The following POU2F3 variants were observed in gnomAD, a reference collection of about 807,000 sequenced individuals.
POU2F3 encodes the protein POU domain, class 2, transcription factor 3.
POU2F3 carries 23 observed loss-of-function variants against 59.2 expected under a neutral mutation model. The ratio of observed to expected loss-of-function variants is 0.39; its 90% CI spans 0.28 to 0.55. POU2F3 has a LOEUF of 0.55. Ranked by LOEUF, POU2F3 falls within the 20% of genes least tolerant of loss-of-function variation. The pLI is 0.66. For missense variants in POU2F3, 473 were observed against 544.5 expected, an observed-to-expected ratio of 0.87 and a Z score of 1.31; for synonymous variants, 190 against 214.6, an observed-to-expected ratio of 0.89 and a Z score of 1.00.
chr11:120,315,275 G>T, intron 10 of POU2F3, 86 bp from the exon 11 acceptor site: 1 of 1,254,030 alleles, frequency 8.0e-7, no homozygotes, highest in South Asian at 1.2e-5. Flanking sequence ...TCTCTGTAGA[G>T]TCTGGGGCCT....
At chr11:120,243,058 C>T (rs536563129) in intron 1 of POU2F3, among the ~76,000 whole-genome samples, 4 of 152,212 alleles carry the variant, frequency 2.6e-5, no homozygotes, top group African/African-American at 4.8e-5. Context: ...GTCTCACAGA[C>T]GGGTGCCAAT....
intron 3 of POU2F3, 37 bp from the exon 4 acceptor site, chr11:120,298,228 T>C (rs1941245751): frequency 1.3e-6 from 2 of 1,591,348 alleles, no homozygotes; most frequent in Non-Finnish European, 1.7e-6. Context: ...CCTGACGGGA[T>C]CCAGCACTGA....
At chr11:120,318,324 T>A (rs1446481957) in intron 12 of POU2F3, 29 bp from the exon 13 acceptor site, 17 of 1,582,376 alleles carry the variant, frequency 1.1e-5, no homozygotes, top group Non-Finnish European at 1.2e-5. Context: ...CATTATTAGC[T>A]TTAGGATTGA....
intron 2 of POU2F3, among the ~76,000 whole-genome samples, chr11:120,252,604 A>C (rs1268602738): frequency 6.6e-6 from 1 of 152,130 alleles, no homozygotes; most frequent in African/African-American, 2.4e-5. Flanking sequence ...CAGCCTGCAG[A>C]CTGTGGCTCC....
intron 8 of POU2F3, 110 bp downstream of exon 8, chr11:120,305,895 TCTC>T: frequency 7.4e-7 from 1 of 1,348,166 alleles, no homozygotes. Flanking sequence ...ACCCCCTTCT[TCTC>T]CTGAGACTGG....
In POU2F3 at chr11:120,305,015, C is replaced by T. The variant is rs951627748; in HGVS notation, c.445-15C>T. On this transcript the variant is annotated splice_polypyrimidine_tract_variant and intron_variant, in intron 6 of 12. Coordinates refer to ENST00000543440, the MANE Select transcript of POU2F3 (RefSeq NM_014352.4). Reference sequence around the variant, plus strand: ...TGATCTTCGTGGTGGATCTGCTTGGCGTGTTTCCTATCAGGCATTTGGGCA... The same window carrying T: ...TGATCTTCGTGGTGGATCTGCTTGGTGTGTTTCCTATCAGGCATTTGGGCA... The T allele has an allele frequency of 1.9e-5, 30 of 1,552,744 alleles. No homozygotes were observed. The Admixed American group carries it at 4.0e-4, about 21-fold the overall frequency.
intron 1 of POU2F3, among the ~76,000 whole-genome samples, chr11:120,243,716 C>A (rs1385691782): frequency 3.3e-5 from 5 of 152,186 alleles, no homozygotes; most frequent in African/African-American, 1.2e-4. Flanking sequence ...AAGCTCGTCC[C>A]ACCCATCAGC....
chr11:120,290,854 G>A (rs1940995738), intron 3 of POU2F3, among the ~76,000 whole-genome samples: 1 of 152,252 alleles, frequency 6.6e-6, no homozygotes, highest in Admixed American at 6.5e-5. Context: ...GTACGTTCAG[G>A]ACAGGGCATG....
upstream of POU2F3, among the ~76,000 whole-genome samples, chr11:120,238,569 G>T (rs1591365256): frequency 6.6e-6 from 1 of 152,026 alleles, no homozygotes. Context: ...GGGCGTGGTG[G>T]CTCACACATG....
At chr11:120,273,653 T>C (rs1398523510) in intron 3 of POU2F3, among the ~76,000 whole-genome samples, 1 of 152,068 alleles carries the variant, frequency 6.6e-6, no homozygotes. Context: ...AGTGATGAAC[T>C]GATGCAAGAG....
rs182797171 is a variant in POU2F3, at chr11:120,280,771, G to A, written c.132+11527G>A. On this transcript the variant is annotated intron_variant, in intron 3 of 12. Transcript: ENST00000543440. The stretch of plus-strand genomic sequence containing the variant: ...AGCCCTGTCAGTCATACCAACACCC[G>A]CAGACCTCTTCTGGCTGAGGCTTGC... Among the ~76,000 whole-genome samples, 207 of 152,242 alleles carry A rather than the reference G, an allele frequency of 1.4e-3. 2 individuals carry two copies. The highest frequency in any genetic ancestry group is 4.6e-3 in the African/African-American group (193 of 41,546).
At chr11:120,258,309 G>T (rs1423446303) in intron 2 of POU2F3, among the ~76,000 whole-genome samples, 3 of 152,158 alleles carry the variant, frequency 2.0e-5, no homozygotes, top group African/African-American at 7.2e-5. Flanking sequence ...CTCTGGCAAG[G>T]CTGGGGTAAG....
chr11:120,307,745 A>T, intron 9 of POU2F3, 130 bp downstream of exon 9: 1 of 1,249,344 alleles, frequency 8.0e-7, no homozygotes, highest in South Asian at 1.5e-5. Flanking sequence ...CAGAAAACAC[A>T]TTATCCCACT....
intron 8 of POU2F3, 65 bp downstream of exon 8, chr11:120,305,850 G>A: frequency 6.3e-7 from 1 of 1,582,142 alleles, no homozygotes; most frequent in Non-Finnish European, 8.6e-7. Context: ...CCAGTGACTT[G>A]TCGTGTTGGG....
chr11:120,318,299 C>A, intron 12 of POU2F3, 54 bp from the exon 13 acceptor site: 1 of 1,524,090 alleles, frequency 6.6e-7, no homozygotes, highest in Non-Finnish European at 9.1e-7. Context: ...TCCCCATTCC[C>A]ATCTTACGCC....
rs1348815185 is a variant in POU2F3, at chr11:120,246,450, T to G, written c.30T>G (p.Asp10Glu). ...AAATCAGTTGTGTTTTCCCTGCAGA[T>G]ATCAAGATGAGTGGGGATGTAGCCG... MVNLESMHT[D>E]IKMSGDVADS... Residue 10 changes from aspartate to glutamate, a missense_variant and splice_region_variant, in exon 2 of 13, where the codon GAT becomes GAG. Coordinates refer to ENST00000543440, the MANE Select transcript of POU2F3 (RefSeq NM_014352.4). The G allele has an allele frequency of 6.2e-7, 1 of 1,613,884 alleles. No homozygotes were observed. The highest frequency in any genetic ancestry group is 8.5e-7 in the Non-Finnish European group (1 of 1,179,980).
Position 120,286,735 on chromosome 11 carries a change from A to T in POU2F3, c.133-11530A>T, listed in dbSNP as rs1181758893. On this transcript the variant is annotated intron_variant, in intron 3 of 12. Transcript: ENST00000543440. The stretch of plus-strand genomic sequence containing the variant: ...ATTGTTGTCTCAACTTGTGCAGTTA[A>T]TTTTCATATTTCTAAGTAAAGGATT... Among the ~76,000 whole-genome samples the T allele has an allele frequency of 3.3e-5, 5 of 151,812 alleles. No individual in the cohort carries two copies. The East Asian group carries it at 9.6e-4, about 29-fold the overall frequency.
intron 2 of POU2F3, among the ~76,000 whole-genome samples, chr11:120,262,465 T>A (rs941903799): frequency 2.0e-5 from 3 of 152,240 alleles, no homozygotes; most frequent in African/African-American, 7.2e-5. Context: ...TATTTTCTTT[T>A]AAATTACAGG....
At chr11:120,269,312 T>C in intron 3 of POU2F3, 68 bp downstream of exon 3, 12 of 1,296,058 alleles carry the variant, frequency 9.3e-6, no homozygotes, top group Non-Finnish European at 1.2e-5. Context: ...CTGTCTGGTA[T>C]GGAGGAAGAC....
Sources: gnomAD v4.1 joint callset for allele counts (sites outside exome capture counted in the v4.1 genomes callset) on GRCh38, gnomAD v4.1.1 for gene constraint, MANE v1.5 for transcripts, NCBI Gene and HGNC (gene_info 2026-07-23, HGNC 2026-07-21) for gene names.